The following TBC1D31 variants were observed in gnomAD, a reference collection of about 807,000 sequenced individuals.
TBC1D31 encodes the protein TBC1 domain family member 31.
Under a neutral mutation model 132.9 loss-of-function variants are expected in TBC1D31, and 99 were observed. That is an observed-to-expected ratio of 0.74 (90% CI 0.63 to 0.88). TBC1D31 has a LOEUF of 0.88. TBC1D31 is among the 40% of genes least tolerant of loss of function. TBC1D31 has a pLI of 0.00. For missense variants in TBC1D31, 1,134 were observed against 1,256.6 expected, an observed-to-expected ratio of 0.90 and a Z score of 1.48; for synonymous variants, 385 against 419.4, an observed-to-expected ratio of 0.92 and a Z score of 1.00.
chr8:123,094,562 G>A (rs1246813233), intron 5 of TBC1D31, among the ~76,000 whole-genome samples: 4 of 147,412 alleles, frequency 2.7e-5, no homozygotes, highest in Non-Finnish European at 5.9e-5. Flanking sequence ...TTTTTGAGAC[G>A]AAGTCTCATT....
chr8:123,144,586 C>G (rs578219167), intron 19 of TBC1D31, 131 bp from the exon 20 acceptor site: 9 of 914,208 alleles, frequency 9.8e-6, no homozygotes, highest in Middle Eastern at 6.8e-4. Flanking sequence ...TACCATAACA[C>G]CAAACAGATC....
chr8:123,161,562 A>G, the TBC1D31 span, among the ~76,000 whole-genome samples: 1 of 152,200 alleles, frequency 6.6e-6, no homozygotes, highest in African/African-American at 2.4e-5. Flanking sequence ...CCTCACTTGC[A>G]TTCCCTAAAA....
intron 10 of TBC1D31, among the ~76,000 whole-genome samples, chr8:123,109,925 T>G (rs1818291586): frequency 6.6e-6 from 1 of 152,132 alleles, no homozygotes; most frequent in Non-Finnish European, 1.5e-5. Flanking sequence ...GAAACCTATC[T>G]CTACTAAAAA....
chr8:123,075,348 A>C (rs1315848238), intron 1 of TBC1D31, among the ~76,000 whole-genome samples: 1 of 152,252 alleles, frequency 6.6e-6, no homozygotes, highest in Non-Finnish European at 1.5e-5. Context: ...TGTTTAATCC[A>C]CTTAATTCAA....
At chr8:123,110,891 A>G (rs1818374723) in intron 10 of TBC1D31, among the ~76,000 whole-genome samples, 1 of 152,228 alleles carries the variant, frequency 6.6e-6, no homozygotes, top group Non-Finnish European at 1.5e-5. Context: ...TTGATACCCC[A>G]CTGAGATTAA....
chr8:123,156,609 G>A (rs1260702905), downstream of TBC1D31, among the ~76,000 whole-genome samples: 2 of 152,138 alleles, frequency 1.3e-5, no homozygotes, highest in Non-Finnish European at 2.9e-5. Context: ...TATCAAGAAC[G>A]TAGCAGGTGA....
chr8:123,107,999 T>C (rs1281025542), intron 8 of TBC1D31, among the ~76,000 whole-genome samples: 1 of 152,230 alleles, frequency 6.6e-6, no homozygotes, highest in Non-Finnish European at 1.5e-5. Context: ...AAGTCAGTCT[T>C]CCTGGATCAT....
chr8:123,082,305 T>C (rs1012352939), intron 2 of TBC1D31, among the ~76,000 whole-genome samples: 2 of 151,984 alleles, frequency 1.3e-5, no homozygotes, highest in African/African-American at 4.8e-5. Flanking sequence ...TTCCCTCTTC[T>C]TCACTCCATG....
chr8:123,131,396 C>G (rs1362505457), intron 16 of TBC1D31, among the ~76,000 whole-genome samples: 1 of 141,502 alleles, frequency 7.1e-6, no homozygotes, highest in Non-Finnish European at 1.5e-5. Flanking sequence ...AGGTTAATTA[C>G]ATAGACTTTC....
chr8:123,074,622 G>A (rs2130583548), intron 1 of TBC1D31, among the ~76,000 whole-genome samples: 1 of 152,312 alleles, frequency 6.6e-6, no homozygotes, highest in East Asian at 1.9e-4. Flanking sequence ...GATTCAAAAA[G>A]TGAAAGAAAT....
intron 4 of TBC1D31, among the ~76,000 whole-genome samples, chr8:123,092,434 C>T (rs765311380): frequency 6.6e-6 from 1 of 151,988 alleles, no homozygotes; most frequent in South Asian, 2.1e-4. Context: ...TATGACAGTG[C>T]CTTTTTTTAC....
chr8:123,130,257 G>A lies in TBC1D31; in HGVS notation c.2330G>A (p.Arg777Lys), dbSNP rs144633458. The part of the protein sequence containing the change: ...VKEMHLQDAA[R>K]RRFLKLQQDQ... Reference sequence around the variant, plus strand: ...GAAATGCACTTACAAGATGCTGCAAGAAGGCGTTTTCTGAAGCTTCAGCAA... The same window carrying A: ...GAAATGCACTTACAAGATGCTGCAAAAAGGCGTTTTCTGAAGCTTCAGCAA... Residue 777 changes from arginine (R) to lysine (K), a missense_variant, in exon 16 of 22, where the codon AGA (arginine) becomes AAA (lysine). By Grantham distance (26) the Arg-to-Lys change is conservative. Transcript: ENST00000287380. 1,072 of 1,613,138 alleles carry A rather than the reference G, an allele frequency of 6.6e-4. 9 individuals carry two copies. The African/African-American group carries it at 0.012, about 18-fold the overall frequency.
the TBC1D31 span, among the ~76,000 whole-genome samples, chr8:123,157,191 T>C: frequency 6.6e-6 from 1 of 152,194 alleles, no homozygotes; most frequent in Non-Finnish European, 1.5e-5. Flanking sequence ...ACAACGCTTC[T>C]TTCCGGCGGG....
At chr8:123,114,556 A>G (rs2130617105) in intron 10 of TBC1D31, among the ~76,000 whole-genome samples, 1 of 152,316 alleles carries the variant, frequency 6.6e-6, no homozygotes, top group South Asian at 2.1e-4. Context: ...TCCTGACCTC[A>G]GGTGATCTGC....
At chr8:123,151,707 T>C in intron 21 of TBC1D31, 99 bp from the exon 22 acceptor site, 1 of 1,240,252 alleles carries the variant, frequency 8.1e-7, no homozygotes, top group Non-Finnish European at 1.1e-6. Context: ...TTGCATTTCA[T>C]TATTTGTTTT....
chr8:123,110,023 G>A (rs1000155803), intron 10 of TBC1D31, among the ~76,000 whole-genome samples: 3 of 152,192 alleles, frequency 2.0e-5, no homozygotes, highest in African/African-American at 7.2e-5. Flanking sequence ...GAACCCTGGA[G>A]GCAGAGGTTG....
intron 10 of TBC1D31, among the ~76,000 whole-genome samples, chr8:123,112,113 C>T (rs2130579899): frequency 6.6e-6 from 1 of 152,294 alleles, no homozygotes; most frequent in Admixed American, 6.5e-5. Context: ...GCCTCTACCA[C>T]CAATGTATTG....
chr8:123,096,446 A>T (rs1477787872), intron 5 of TBC1D31, among the ~76,000 whole-genome samples: 1 of 152,170 alleles, frequency 6.6e-6, no homozygotes, highest in Non-Finnish European at 1.5e-5. Context: ...TTCTTCCTCC[A>T]AGTCATCCCA....
chr8:123,144,892 C>G (rs746600175), intron 20 of TBC1D31, 37 bp downstream of exon 20: 62 of 1,557,802 alleles, frequency 4.0e-5, no homozygotes, highest in Non-Finnish European at 4.8e-5. Flanking sequence ...CATGATGTTA[C>G]AGATTTATTC....
Sources: allele counts gnomAD v4.1 joint callset (sites outside exome capture counted in the v4.1 genomes callset), GRCh38; gene constraint gnomAD v4.1.1; transcripts MANE v1.5; gene names NCBI Gene and HGNC (gene_info 2026-07-23, HGNC 2026-07-21).